CCDC149: variants seen among roughly 807,000 people sequenced by gnomAD.
CCDC149 encodes the protein coiled-coil domain-containing protein 149.
In CCDC149, 45 loss-of-function variants were observed where a neutral mutation model predicts 59.9. The observed-to-expected ratio is 0.75, with a 90% confidence interval of 0.59 to 0.96. The LOEUF (loss-of-function observed/expected upper bound fraction) is 0.96, where lower values mean the gene tolerates loss of function less well. CCDC149 is among the 40% of genes least tolerant of loss of function. The pLI, the probability that CCDC149 is intolerant of heterozygous loss-of-function variation, is 0.00. For synonymous variants in CCDC149, 245 were observed against 260.6 expected, an observed-to-expected ratio of 0.94 and a Z score of 0.58; for missense variants, 584 against 664.7, an observed-to-expected ratio of 0.88 and a Z score of 1.33.
At chr4:24,962,803 C>T (rs1337616136) in intron 1 of CCDC149, among the ~76,000 whole-genome samples, 4 of 151,756 alleles carry the variant, frequency 2.6e-5, no homozygotes, top group Non-Finnish European at 5.9e-5. Context: ...TTAGTGGGTG[C>T]AGCACACCAA....
chr4:24,885,926 T>C (rs1488738468), intron 1 of CCDC149, among the ~76,000 whole-genome samples: 1 of 152,216 alleles, frequency 6.6e-6, no homozygotes, highest in Non-Finnish European at 1.5e-5. Context: ...ACAGTAACAG[T>C]AGCAGCCACT....
chr4:24,824,327 A>G (rs555749599), intron 9 of CCDC149, among the ~76,000 whole-genome samples: 2 of 152,322 alleles, frequency 1.3e-5, no homozygotes, highest in Admixed American at 6.5e-5. Context: ...CATCTGATGC[A>G]GGGCTGGAGG....
At chr4:24,971,571 G>A (rs911710119) in intron 1 of CCDC149, among the ~76,000 whole-genome samples, 13 of 152,348 alleles carry the variant, frequency 8.5e-5, no homozygotes, top group African/African-American at 1.7e-4. Context: ...AATGCTGTAC[G>A]TTCGGCTCGC....
intron 1 of CCDC149, among the ~76,000 whole-genome samples, chr4:24,978,958 C>T (rs1200478966): frequency 6.9e-6 from 1 of 145,080 alleles, no homozygotes; most frequent in Non-Finnish European, 1.5e-5. Flanking sequence ...TTTGTTCTTA[C>T]CCTGAGTTAC....
At chr4:24,913,911 G>A (rs1722039099), upstream of CCDC149, among the ~76,000 whole-genome samples, 9 of 152,330 alleles carry the variant, frequency 5.9e-5, no homozygotes, top group South Asian at 1.9e-3. Flanking sequence ...TATTCAAGGT[G>A]CTGTTCCTGT....
intron 2 of CCDC149, among the ~76,000 whole-genome samples, chr4:24,874,593 C>G (rs552196343): frequency 6.6e-6 from 1 of 151,690 alleles, no homozygotes; most frequent in East Asian, 1.9e-4. Context: ...CACACACACA[C>G]AAAAAAAGGA....
chr4:24,885,143 G>A (rs967261165), intron 1 of CCDC149, among the ~76,000 whole-genome samples: 1 of 152,212 alleles, frequency 6.6e-6, no homozygotes, highest in African/African-American at 2.4e-5. Context: ...AGACAGACGG[G>A]TGGCCAGGTC....
intron 1 of CCDC149, among the ~76,000 whole-genome samples, chr4:24,898,836 G>A (rs942180173): frequency 6.6e-6 from 1 of 152,172 alleles, no homozygotes; most frequent in Admixed American, 6.5e-5. Context: ...ATGAGTAGGA[G>A]GTCACCTTTG....
chr4:24,804,627 CAG>C (rs1714064599), downstream of CCDC149, among the ~76,000 whole-genome samples: 1 of 151,848 alleles, frequency 6.6e-6, no homozygotes, highest in Non-Finnish European at 1.5e-5. Flanking sequence ...TTTAAAGAGA[CAG>C]AGAAGATCAC....
At chr4:24,976,699 G>A (rs905735710) in intron 1 of CCDC149, among the ~76,000 whole-genome samples, 3 of 152,172 alleles carry the variant, frequency 2.0e-5, no homozygotes, top group African/African-American at 4.8e-5. Context: ...CTGGGCAACA[G>A]AGCGAGACTG....
intron 1 of CCDC149, among the ~76,000 whole-genome samples, chr4:24,887,740 TC>T (rs1716647678): frequency 6.6e-6 from 1 of 152,022 alleles, no homozygotes; most frequent in African/African-American, 2.4e-5. Context: ...CCTTCTGGTT[TC>T]CCTACTTGTC....
chr4:24,925,236 T>C (rs1220730024), intron 1 of CCDC149, among the ~76,000 whole-genome samples: 2 of 152,254 alleles, frequency 1.3e-5, no homozygotes, highest in Non-Finnish European at 2.9e-5. Context: ...CACTTGTCCA[T>C]AGCAATTCTG....
chr4:24,908,275 C>T (rs1034678670), intron 1 of CCDC149, among the ~76,000 whole-genome samples: 6 of 152,166 alleles, frequency 3.9e-5, no homozygotes, highest in African/African-American at 7.2e-5. Flanking sequence ...AAGAGAAAGG[C>T]AGGGCCAAGA....
chr4:24,912,659 G>A (rs986351953), intron 1 of CCDC149, among the ~76,000 whole-genome samples, 158 bp downstream of exon 1: 11 of 152,096 alleles, frequency 7.2e-5, no homozygotes, highest in African/African-American at 2.7e-4. Context: ...CAGGAGGAGC[G>A]GCGCACCTGG....
chr4:24,942,425 C>T (rs1722980815), intron 1 of CCDC149, among the ~76,000 whole-genome samples: 2 of 152,156 alleles, frequency 1.3e-5, no homozygotes, highest in African/African-American at 4.8e-5. Flanking sequence ...CTATGACAAA[C>T]CCACAGCCAA....
At chr4:24,940,157 T>A (rs1053809788) in intron 1 of CCDC149, among the ~76,000 whole-genome samples, 7 of 152,218 alleles carry the variant, frequency 4.6e-5, no homozygotes, top group Admixed American at 2.6e-4. Flanking sequence ...AAGGTTGGGT[T>A]ACCCACAAAA....
chr4:24,927,326 C>T (rs1006140925), intron 1 of CCDC149, among the ~76,000 whole-genome samples: 9 of 152,168 alleles, frequency 5.9e-5, no homozygotes, highest in African/African-American at 1.9e-4. Context: ...AAAGATCTTA[C>T]GTTATTAAAA....
intron 3 of CCDC149, among the ~76,000 whole-genome samples, chr4:24,854,746 C>CT (rs1717894785): frequency 6.6e-6 from 1 of 152,220 alleles, no homozygotes; most frequent in Non-Finnish European, 1.5e-5. Context: ...ATCCTGTTGT[C>CT]TTACCTACTA....
chr4:24,882,720 T>C (rs1346208076), intron 1 of CCDC149, among the ~76,000 whole-genome samples: 4 of 152,154 alleles, frequency 2.6e-5, no homozygotes, highest in Non-Finnish European at 5.9e-5. Context: ...AGGGATGACA[T>C]ATAATATACA....
Sources: gnomAD v4.1 joint callset for allele counts (sites outside exome capture counted in the v4.1 genomes callset) on GRCh38, gnomAD v4.1.1 for gene constraint, MANE v1.5 for transcripts, NCBI Gene and HGNC (gene_info 2026-07-23, HGNC 2026-07-21) for gene names.